NECTIN3: variants seen among roughly 807,000 people sequenced by gnomAD.
NECTIN3 encodes the protein nectin-3.
NECTIN3 carries 8 observed loss-of-function variants against 49.4 expected under a neutral mutation model. The ratio of observed to expected loss-of-function variants is 0.16; its 90% confidence interval spans 0.10 to 0.29. NECTIN3 has a LOEUF of 0.29. Ranked by LOEUF, NECTIN3 falls within the 10% of genes least tolerant of loss-of-function variation. The probability of loss-of-function intolerance (pLI) is 1.00; values close to 1 mark genes in which losing one functional copy is unlikely to be tolerated. For synonymous variants in NECTIN3, 277 were observed against 241.1 expected, an observed-to-expected ratio of 1.15 and a Z score of -1.38; for missense variants, 581 against 654.6, an observed-to-expected ratio of 0.89 and a Z score of 1.23.
At chr3:111,088,239 C>T (rs1394969362) in intron 1 of NECTIN3, among the ~76,000 whole-genome samples, 1 of 152,126 alleles carries the variant, frequency 6.6e-6, no homozygotes, top group Non-Finnish European at 1.5e-5. Context: ...CTGGCACCTC[C>T]TCTCTAGCTT....
At chr3:111,086,331 T>A (rs2031924346) in intron 1 of NECTIN3, among the ~76,000 whole-genome samples, 1 of 152,180 alleles carries the variant, frequency 6.6e-6, no homozygotes, top group Non-Finnish European at 1.5e-5. Flanking sequence ...ACAATTAATT[T>A]GTTGTGTTTT....
At chr3:111,133,040 A>G (rs2034449338) in intron 5 of NECTIN3, among the ~76,000 whole-genome samples, 1 of 151,786 alleles carries the variant, frequency 6.6e-6, no homozygotes, top group Non-Finnish European at 1.5e-5. Flanking sequence ...ATTTAAAGAA[A>G]ATATTTTTGA....
At chr3:111,073,417 G>C (rs2030944865) in intron 1 of NECTIN3, 1 of 152,306 alleles carries the variant, frequency 6.6e-6, no homozygotes, top group Non-Finnish European at 1.5e-5. Flanking sequence ...CTTCTGGGCT[G>C]AGAATTTCCA....
In NECTIN3 at chr3:111,072,155, G is replaced by A. The variant is rs369337016; in HGVS notation, c.138G>A (p.Leu46=). The A allele has an allele frequency of 1.0e-3, 1,551 of 1,553,760 alleles. 2 individuals are homozygous for A. Among genetic ancestry groups the A allele is most frequent in the Admixed American group, 2.0e-3 (105 of 51,652 alleles). Residue 46 remains leucine, a synonymous_variant, in exon 1 of 6, where the codon CTG becomes CTA. Transcript: ENST00000485303. Reference sequence around the variant, plus strand: ...CGCTGCTGCTGCTGCTCTTCCCGCTGCTGCTCTTCTCCAGGCTCTGTGGTA... The same window carrying A: ...CGCTGCTGCTGCTGCTCTTCCCGCTACTGCTCTTCTCCAGGCTCTGTGGTA... ...PPPLLLLLFP[L]LLFSRLCGAL...
intron 1 of NECTIN3, among the ~76,000 whole-genome samples, chr3:111,084,834 A>G (rs1283490911): frequency 6.6e-6 from 1 of 152,204 alleles, no homozygotes; most frequent in Non-Finnish European, 1.5e-5. Flanking sequence ...TAGGAATTAG[A>G]TGTTGCATAC....
intron 1 of NECTIN3, among the ~76,000 whole-genome samples, chr3:111,092,653 T>A (rs1049625241): frequency 1.3e-5 from 2 of 152,186 alleles, no homozygotes; most frequent in African/African-American, 4.8e-5. Flanking sequence ...TTCATATGTC[T>A]TCTTATTCTA....
Position 111,135,485 on chromosome 3 carries a change from T to A in NECTIN3, c.*1270T>A. On this transcript the variant is annotated 3_prime_UTR_variant, in exon 6 of 6. Transcript: ENST00000485303. ...CTAAACTTCAAATGTGCTTTTTGTT[T>A]GTGAGGTAATTAAATTGCTTCTACA... 1.0e-6 allele frequency: 1 copy of A among 970,342 alleles called. No individual in the cohort carries two copies. The highest frequency in any genetic ancestry group is 1.2e-6 in the Non-Finnish European group (1 of 816,344). 60.1% of individuals were successfully genotyped at this position (970,342 alleles called of 1,614,324 possible).
intron 7 of NECTIN3, among the ~76,000 whole-genome samples, chr3:111,172,651 G>A (rs967065773): frequency 6.6e-6 from 1 of 152,126 alleles, no homozygotes; most frequent in East Asian, 1.9e-4. Context: ...TTAAACTTTC[G>A]TTCTTAATGG....
At chr3:111,081,436 C>T (rs185981373) in intron 1 of NECTIN3, among the ~76,000 whole-genome samples, 362 of 152,312 alleles carry the variant, frequency 2.4e-3, no homozygotes, top group African/African-American at 8.3e-3. Context: ...AGATGTCTTT[C>T]TCTGTGTATG....
chr3:111,080,678 CAA>C (rs11322721), intron 1 of NECTIN3, among the ~76,000 whole-genome samples: 556 of 129,016 alleles, frequency 4.3e-3, no homozygotes, highest in Non-Finnish European at 5.5e-3. Context: ...ATATGTCATG[CAA>C]AAAAAAAAAA....
intron 7 of NECTIN3, among the ~76,000 whole-genome samples, chr3:111,153,543 C>T (rs1259844595): frequency 1.3e-5 from 2 of 151,952 alleles, no homozygotes; most frequent in Non-Finnish European, 2.9e-5. Context: ...ATATATGCTA[C>T]ATCCTTAGAA....
chr3:111,158,255 T>A (rs1161949922), intron 7 of NECTIN3, among the ~76,000 whole-genome samples: 1 of 152,080 alleles, frequency 6.6e-6, no homozygotes, highest in Admixed American at 6.6e-5. Context: ...GTGGAATATT[T>A]CTTATATATA....
chr3:111,136,103 G>C lies in NECTIN3; in HGVS notation c.*1888G>C, dbSNP rs907895077. The C allele has an allele frequency of 4.1e-6, 4 of 983,666 alleles. No individual in the cohort carries two copies. Among genetic ancestry groups the C allele is most frequent in the Non-Finnish European group, 4.8e-6 (4 of 828,606 alleles). The allele number at this position is 983,666 out of a possible 1,614,324, so 60.9% of individuals were successfully genotyped here. A position where few individuals can be genotyped will look rare whatever the true frequency, so the allele number is the denominator to read the frequency against. On this transcript the variant is annotated 3_prime_UTR_variant, in exon 6 of 6. Coordinates refer to ENST00000485303, the MANE Select transcript of NECTIN3 (RefSeq NM_015480.3). ...GATGAGGTGGCCAGAAGAAAGATGG[G>C]TCTAAAATTTCTCCCCATGAAAGAT...
intron 4 of NECTIN3, among the ~76,000 whole-genome samples, chr3:111,124,414 G>A (rs1409889636): frequency 6.6e-6 from 1 of 152,124 alleles, no homozygotes; most frequent in African/African-American, 2.4e-5. Context: ...ATATTTCTAA[G>A]TCATTTTACA....
intron 7 of NECTIN3, among the ~76,000 whole-genome samples, chr3:111,149,230 CA>C (rs1447228954): frequency 3.3e-5 from 5 of 152,050 alleles, no homozygotes; most frequent in South Asian, 2.1e-4. Flanking sequence ...ACTGCTGTTT[CA>C]ATTACTATTG....
At chr3:111,105,939 C>G (rs538780054) in intron 1 of NECTIN3, among the ~76,000 whole-genome samples, 2 of 150,614 alleles carry the variant, frequency 1.3e-5, no homozygotes. Flanking sequence ...ATTCTCACCA[C>G]TCCACCAAAA....
intron 7 of NECTIN3, among the ~76,000 whole-genome samples, chr3:111,169,517 A>C (rs553363403): frequency 6.6e-6 from 1 of 152,130 alleles, no homozygotes; most frequent in South Asian, 2.1e-4. Context: ...AATTATGCTC[A>C]AGGATAAGTA....
intron 1 of NECTIN3, among the ~76,000 whole-genome samples, chr3:111,091,575 G>A (rs1439117680): frequency 6.6e-6 from 1 of 152,054 alleles, no homozygotes; most frequent in Non-Finnish European, 1.5e-5. Flanking sequence ...TTTTGTATCT[G>A]TATTATTTCA....
At position 111,071,925 on chromosome 3, in the gene NECTIN3, C is replaced by G. The variant is rs927217652; in HGVS notation, c.-93C>G. ...AGCTGGGAGCTGGGGACGCGCGCGC[C>G]GGACCTTCCACAGCCTCCGCCCAGA... On this transcript the variant is annotated 5_prime_UTR_variant, in exon 1 of 6. Transcript: ENST00000485303. The G allele has an allele frequency of 8.1e-6, 7 of 869,268 alleles. No individual in the cohort carries two copies. The Admixed American group carries it at 1.4e-4, about 17-fold the overall frequency. 53.8% of individuals were successfully genotyped at this position (869,268 alleles called of 1,614,324 possible).
Sources: gnomAD v4.1 joint callset for allele counts (sites outside exome capture counted in the v4.1 genomes callset) on GRCh38, gnomAD v4.1.1 for gene constraint, MANE v1.5 for transcripts, NCBI Gene and HGNC (gene_info 2026-07-23, HGNC 2026-07-21) for gene names.